SVEP1: variants seen among roughly 807,000 people sequenced by gnomAD.
SVEP1 encodes sushi, von Willebrand factor type A, EGF and pentraxin domain containing 1.
Under a neutral mutation model 367.3 loss-of-function variants are expected in SVEP1, and 164 were observed. That is an observed-to-expected ratio of 0.45 (90% CI 0.39 to 0.51). SVEP1 has a LOEUF of 0.51. Ranked by LOEUF, SVEP1 falls within the 20% of genes least tolerant of loss-of-function variation. The probability of loss-of-function intolerance (pLI) is 0.00; values close to 1 mark genes in which losing one functional copy is unlikely to be tolerated. For missense variants in SVEP1, 4,117 were observed against 4,425.3 expected, an observed-to-expected ratio of 0.93 and a Z score of 1.98; for synonymous variants, 1,666 against 1,611.6, an observed-to-expected ratio of 1.03 and a Z score of -0.81.
At chr9:110,502,935 C>T in intron 6 of SVEP1, 103 bp downstream of exon 6, 1 of 1,250,582 alleles carries the variant, frequency 8.0e-7, no homozygotes. Context: ...TGTATTTATA[C>T]TCATTACCAG....
intron 40 of SVEP1, among the ~76,000 whole-genome samples, chr9:110,395,521 A>G (rs1827744174): frequency 6.6e-6 from 1 of 152,248 alleles, no homozygotes; most frequent in Admixed American, 6.5e-5. Flanking sequence ...TTAAATGTAA[A>G]TGGGCTAAAT....
intron 3 of SVEP1, among the ~76,000 whole-genome samples, chr9:110,543,897 C>G (rs913204572): frequency 5.3e-5 from 8 of 152,086 alleles, no homozygotes; most frequent in Non-Finnish European, 1.2e-4. Context: ...TTTGCCAACT[C>G]AGAGGCAGTT....
At chr9:110,434,686 A>AAAAAAAAAAAAAAAG (rs1828406661) in intron 29 of SVEP1, among the ~76,000 whole-genome samples, 180 bp from the exon 30 acceptor site, 1 of 149,386 alleles carries the variant, frequency 6.7e-6, no homozygotes, top group African/African-American at 2.5e-5. Context: ...AAAAAAAAAA[A>AAAAAAAAAAAAAAAG]GCATTTAAGT....
In SVEP1 at chr9:110,412,947, T is replaced by G. The variant is rs1323208687; in HGVS notation, c.5976-1212A>C. Among the ~76,000 whole-genome samples, 6 of 151,024 alleles carry G rather than the reference T, an allele frequency of 4.0e-5. No homozygotes were observed. In the East Asian group the frequency reaches 1.2e-3, roughly 30 times the overall value. The stretch of plus-strand genomic sequence containing the variant: ...AACACTTTTACACTGTTGGTGGGAC[T>G]GTAAACTAGTTCAACCATTGTGGAA... On this transcript the variant is annotated intron_variant, in intron 36 of 47. Coordinates refer to ENST00000374469, the MANE Select transcript of SVEP1 (RefSeq NM_153366.4).
chr9:110,518,566 T>C (rs531229075), intron 3 of SVEP1, among the ~76,000 whole-genome samples: 1 of 152,150 alleles, frequency 6.6e-6, no homozygotes, highest in Non-Finnish European at 1.5e-5. Context: ...GCCTCCCAAA[T>C]AGCTAGGACA....
rs189749563 is a variant in SVEP1 at position 110,481,816 on chromosome 9, A to G, written c.2171-380T>C. Among the ~76,000 whole-genome samples, 122 of 152,166 alleles carry G rather than the reference A, an allele frequency of 8.0e-4. 1 individual carries two copies. Among genetic ancestry groups the G allele is most frequent in the African/African-American group, 2.8e-3 (118 of 41,504 alleles). ...CAGCCTCTGCCTCCTGGATTCAAGC[A>G]ATTCTTGTGCCTTGACCTCCTGAGT... is the stretch of plus-strand genomic sequence containing the variant. On this transcript the variant is annotated intron_variant, in intron 11 of 47. Transcript: ENST00000374469.
intron 6 of SVEP1, among the ~76,000 whole-genome samples, chr9:110,500,187 T>A (rs972354266): frequency 1.3e-5 from 2 of 152,166 alleles, no homozygotes; most frequent in Non-Finnish European, 2.9e-5. Context: ...CCATTTTTTT[T>A]CCAAGAAATG....
chr9:110,503,979 T>C (rs183754664), intron 5 of SVEP1, among the ~76,000 whole-genome samples: 1 of 152,304 alleles, frequency 6.6e-6, no homozygotes, highest in East Asian at 1.9e-4. Flanking sequence ...GCCCATAATA[T>C]ATAGCTGAGA....
chr9:110,411,276 C>G lies in SVEP1; in HGVS notation c.6435G>C (p.Arg2145=), dbSNP rs765258801. 3.7e-6 allele frequency: 6 copies of G among 1,614,030 alleles called. No individual in the cohort carries two copies. In the South Asian group the frequency reaches 6.6e-5, roughly 18 times the overall value. Residue 2145 remains arginine (R), a synonymous_variant, in exon 37 of 48, where the codon CGG becomes CGC. Coordinates refer to ENST00000374469, the MANE Select transcript of SVEP1 (RefSeq NM_153366.4). ...SPMSIQCIPV[R]CGEPPSIMNG... The stretch of plus-strand genomic sequence containing the variant: ...TCATGATGCTTGGTGGCTCTCCACA[C>G]CGCACAGGGATGCACTGGATGGACA...
At position 110,407,822 on chromosome 9, in the gene SVEP1, A is replaced by G. The variant is rs1291656138; in HGVS notation, c.7778T>C (p.Met2593Thr). The G allele has an allele frequency of 1.2e-6, 2 of 1,614,008 alleles. No homozygotes were observed. The highest frequency in any genetic ancestry group is 1.7e-6 in the Non-Finnish European group (2 of 1,179,894). Residue 2593 changes from methionine to threonine, a missense_variant, in exon 38 of 48, where the codon ATG becomes ACG. Coordinates refer to ENST00000374469, the MANE Select transcript of SVEP1 (RefSeq NM_153366.4). ...CCATCCTGACTCTTCACAGGTCTGC[A>G]TGGCATGACCAGCCACCTGAAACCC... ...FPGFQVAGHA[M>T]QTCEESGWSS... is the part of the protein sequence containing the mutation.
intron 1 of SVEP1, among the ~76,000 whole-genome samples, chr9:110,564,808 T>G (rs1284687637): frequency 6.6e-6 from 1 of 151,750 alleles, no homozygotes; most frequent in East Asian, 1.9e-4. Context: ...ATTAATTATC[T>G]GTATTTAAAT....
chr9:110,464,795 C>T (rs557464117), intron 18 of SVEP1, among the ~76,000 whole-genome samples: 3 of 152,306 alleles, frequency 2.0e-5, no homozygotes, highest in Non-Finnish European at 4.4e-5. Context: ...AATGTTTGTT[C>T]AGTTCCCAGT....
intron 8 of SVEP1, among the ~76,000 whole-genome samples, chr9:110,493,722 C>T (rs181590455): frequency 6.6e-6 from 1 of 152,214 alleles, no homozygotes; most frequent in African/African-American, 2.4e-5. Flanking sequence ...CAGAGCAAGA[C>T]TCTGTCTCAA....
intron 22 of SVEP1, 84 bp downstream of exon 22, chr9:110,455,506 T>C: frequency 1.0e-6 from 1 of 969,098 alleles, no homozygotes; most frequent in Non-Finnish European, 1.5e-6. Flanking sequence ...AATGTATCTT[T>C]GACACATTCC....
At chr9:110,369,895 G>T in intron 47 of SVEP1, 28 bp downstream of exon 47, 1 of 1,587,722 alleles carries the variant, frequency 6.3e-7, no homozygotes, top group Non-Finnish European at 8.6e-7. Flanking sequence ...TCATGTTATA[G>T]GCGAACATTA....
chr9:110,428,510 G>A (rs1351024861), intron 35 of SVEP1, among the ~76,000 whole-genome samples: 1 of 151,964 alleles, frequency 6.6e-6, no homozygotes, highest in Admixed American at 6.6e-5. Flanking sequence ...TGTTGAGTAC[G>A]TTTGGTAAGC....
At chr9:110,487,352 A>G (rs993567205) in intron 9 of SVEP1, among the ~76,000 whole-genome samples, 1 of 152,256 alleles carries the variant, frequency 6.6e-6, no homozygotes, top group South Asian at 2.1e-4. Flanking sequence ...ATGAAAAATT[A>G]AAACTTGGCA....
chr9:110,447,078 G>T, intron 24 of SVEP1, 21 bp from the exon 25 acceptor site: 3 of 1,462,396 alleles, frequency 2.1e-6, no homozygotes, highest in Non-Finnish European at 1.8e-6. Flanking sequence ...ACAAAATGTT[G>T]TAACAATTAG....
intron 46 of SVEP1, among the ~76,000 whole-genome samples, chr9:110,373,758 T>TA (rs10714632): frequency 0.13 from 20,010 of 150,568 alleles, 1,713 homozygotes; most frequent in East Asian, 0.3. Context: ...ATAAAGATGA[T>TA]AAAAAAAAAA....
Sources: allele counts gnomAD v4.1 joint callset (sites outside exome capture counted in the v4.1 genomes callset), GRCh38; gene constraint gnomAD v4.1.1; transcripts MANE v1.5; gene names NCBI Gene and HGNC (gene_info 2026-07-23, HGNC 2026-07-21).